The following ASB2 variants were observed in gnomAD, a reference collection of about 807,000 sequenced individuals.
ASB2 encodes ankyrin repeat and SOCS box protein 2.
Under a neutral mutation model 62.4 loss-of-function variants are expected in ASB2, and 58 were observed. That is an observed-to-expected ratio of 0.93 (90% confidence interval 0.75 to 1.16). ASB2 has a LOEUF of 1.16. ASB2 is among the 50% of genes most tolerant of loss of function. ASB2 has a pLI of 0.00. For synonymous variants in ASB2, 386 were observed against 385.3 expected, an observed-to-expected ratio of 1.00 and a Z score of -0.02; for missense variants, 928 against 887.9, an observed-to-expected ratio of 1.05 and a Z score of -0.57.
At chr14:93,965,546 A>G (rs775238481) in intron 1 of ASB2, among the ~76,000 whole-genome samples, 1 of 152,248 alleles carries the variant, frequency 6.6e-6, no homozygotes, top group African/African-American at 2.4e-5. Flanking sequence ...TTGGGTGCCA[A>G]TGCTTTAAGA....
intron 1 of ASB2, among the ~76,000 whole-genome samples, chr14:93,973,793 A>G (rs1213180531): frequency 6.6e-6 from 1 of 152,230 alleles, no homozygotes; most frequent in African/African-American, 2.4e-5. Flanking sequence ...TACCAATGCC[A>G]GGATCTGCCA....
At chr14:93,944,168 G>A in intron 7 of ASB2, 1 of 360,074 alleles carries the variant, frequency 2.8e-6, no homozygotes, top group African/African-American at 2.1e-5. Context: ...AGGCATCAGG[G>A]TTTCTGGTGC....
chr14:93,966,404 A>G (rs781032609), intron 1 of ASB2, among the ~76,000 whole-genome samples: 6 of 152,226 alleles, frequency 3.9e-5, no homozygotes, highest in African/African-American at 9.7e-5. Flanking sequence ...GGGTGCTCCT[A>G]TGGAAGACTT....
chr14:93,943,059 C>T (rs1279520541), intron 7 of ASB2, among the ~76,000 whole-genome samples: 1 of 152,202 alleles, frequency 6.6e-6, no homozygotes, highest in Non-Finnish European at 1.5e-5. Context: ...GAGCTAAGAA[C>T]TTAATCTCAT....
At position 93,947,519 on chromosome 14, in the gene ASB2, A is replaced by G. The variant is rs1411072244; in HGVS notation, c.882T>C (p.Gly294=). 1 of 1,613,630 alleles carries G rather than the reference A, an allele frequency of 6.2e-7. No individual in the cohort carries two copies. Among genetic ancestry groups the G allele is most frequent in the Admixed American group, 1.7e-5 (1 of 60,026 alleles). Residue 294 remains glycine (G), a splice_region_variant and synonymous_variant, in exon 7 of 10, where the codon GGT becomes GGC. Coordinates refer to ENST00000555019, the MANE Select transcript of ASB2 (RefSeq NM_001202429.2). ...CGCTGGCCTGCGTGTTGATGTCAGC[A>G]CCTGGGGAAGGAGAAGAGATCAGCA... ...LEALRFLAKY[G]ADINTQASDN...
chr14:93,934,329 C>A lies in ASB2; in HGVS notation c.*327G>T. The A allele has an allele frequency of 2.2e-6, 1 of 453,920 alleles. No individual in the cohort carries two copies. 28.1% of individuals were successfully genotyped at this position (453,920 alleles called of 1,614,324 possible). A position where few individuals can be genotyped will look rare whatever the true frequency, so the allele number is the denominator to read the frequency against. ...AACAAGTGGAGGGGCACAGGGAAGG[C>A]TCTGAGCACCACCTTCCCCAGAACA... On this transcript the variant is annotated 3_prime_UTR_variant, in exon 10 of 10. Coordinates refer to ENST00000555019, the MANE Select transcript of ASB2 (RefSeq NM_001202429.2).
rs35800977 is a variant in ASB2, at chr14:93,962,107, C to CTTTTTTTTTTT, written c.206+2216_206+2226dup. ...GGGGAGAAGAATTTCATTAAACATT[C>CTTTTTTTTTTT]TTTTTTTTTTTTTTTTTTTTTTTTT... On this transcript the variant is annotated intron_variant, in intron 2 of 9. Coordinates refer to ENST00000555019, the MANE Select transcript of ASB2 (RefSeq NM_001202429.2). 1.6e-4 allele frequency among the ~76,000 whole-genome samples: 12 copies of CTTTTTTTTTTT among 73,016 alleles called. 2 individuals are homozygous for CTTTTTTTTTTT. The highest frequency in any genetic ancestry group is 2.2e-4 in the Admixed American group (1 of 4,488). The allele number at this position is 73,016 out of a possible 152,430, so 47.9% of individuals were successfully genotyped here.
At chr14:93,976,159 A>G (rs1889906631) in intron 1 of ASB2, among the ~76,000 whole-genome samples, 1 of 152,236 alleles carries the variant, frequency 6.6e-6, no homozygotes, top group Non-Finnish European at 1.5e-5. Flanking sequence ...GTCCTTTTGC[A>G]TTTCCATTTT....
intron 6 of ASB2, 133 bp from the exon 7 acceptor site, chr14:93,947,653 A>G (rs983065167): frequency 7.8e-5 from 66 of 851,002 alleles, no homozygotes; most frequent in Non-Finnish European, 1.1e-4. Context: ...GACCCTTAGG[A>G]AGGAGGAGTC....
At chr14:93,972,052 T>TTA (rs1262921755) in intron 1 of ASB2, among the ~76,000 whole-genome samples, 2 of 147,972 alleles carry the variant, frequency 1.4e-5, no homozygotes, top group Non-Finnish European at 3.0e-5. Context: ...ATAATATATA[T>TTA]TATATATATA....
Position 93,976,426 on chromosome 14 carries a change from T to C in ASB2, c.-74+8A>G, listed in dbSNP as rs1452698418. ...GATCTGTATAAGAAAGTTGAAAGCATGCATTACCTGTTAGGCTCTGAAACA... is the reference window on the plus strand; with the variant it reads ...GATCTGTATAAGAAAGTTGAAAGCACGCATTACCTGTTAGGCTCTGAAACA... On this transcript the variant is annotated splice_region_variant and intron_variant, in intron 1 of 9. Transcript: ENST00000555019. 2.6e-5 allele frequency: 4 copies of C among 152,238 alleles called. No homozygotes were observed. The highest frequency in any genetic ancestry group is 6.5e-5 in the Admixed American group (1 of 15,276). 9.4% of individuals were successfully genotyped at this position (152,238 alleles called of 1,614,324 possible).
chr14:93,958,173 C>T (rs529071270), intron 2 of ASB2, among the ~76,000 whole-genome samples: 1 of 152,356 alleles, frequency 6.6e-6, no homozygotes, highest in African/African-American at 2.4e-5. Context: ...TCACGCCCTC[C>T]CACCTGCCTT....
intron 7 of ASB2, 65 bp from the exon 8 acceptor site, chr14:93,939,737 C>G: frequency 7.9e-7 from 1 of 1,264,262 alleles, no homozygotes; most frequent in South Asian, 1.9e-5. Context: ...AGGGCCGGCC[C>G]CGCCAGCAGG....
In ASB2 at chr14:93,937,705, C is replaced by A. The variant is rs1333008429; in HGVS notation, c.1764G>T (p.Glu588Asp). 2 of 1,607,264 alleles carry A rather than the reference C, an allele frequency of 1.2e-6. No homozygotes were observed. Among genetic ancestry groups the A allele is most frequent in the Admixed American group, 1.7e-5 (1 of 59,908 alleles). Residue 588 changes from glutamate (E) to aspartate (D), a missense_variant, in exon 9 of 10, where the codon GAG (glutamate) becomes GAT (aspartate). Transcript: ENST00000555019. ...DSFEDWAVIKEKAEPPRPLAH... is the reference protein window; with the variant it reads ...DSFEDWAVIKDKAEPPRPLAH... ...GCAGCAGCAAGTCCCTACCTGCCTT[C>A]TCCTTGATGACGGCCCAGTCCTCAA...
chr14:93,958,287 G>A, intron 2 of ASB2, among the ~76,000 whole-genome samples: 1 of 152,214 alleles, frequency 6.6e-6, no homozygotes, highest in Non-Finnish European at 1.5e-5. Flanking sequence ...GTAGATGGGG[G>A]TGCCTTTTAC....
At chr14:93,950,973 T>G in intron 6 of ASB2, 26 bp downstream of exon 6, 1 of 1,600,918 alleles carries the variant, frequency 6.2e-7, no homozygotes, top group Non-Finnish European at 8.5e-7. Context: ...GGGGACTCCA[T>G]GACCTAGGGA....
chr14:93,966,516 T>C (rs888003889), intron 1 of ASB2, among the ~76,000 whole-genome samples: 8 of 152,150 alleles, frequency 5.3e-5, no homozygotes, highest in Non-Finnish European at 1.2e-4. Flanking sequence ...GCAGCCATCT[T>C]GTGACCATGA....
intron 2 of ASB2, among the ~76,000 whole-genome samples, chr14:93,958,309 G>C (rs941484): frequency 0.67 from 101,938 of 152,140 alleles, 36,073 homozygotes; most frequent in East Asian, 0.97. Context: ...GATGAGGACA[G>C]GGAGGCTGTG....
At chr14:93,960,988 C>T (rs72700340) in intron 2 of ASB2, among the ~76,000 whole-genome samples, 10,102 of 94,742 alleles carry the variant, frequency 0.11, 351 homozygotes, top group South Asian at 0.11. Flanking sequence ...AATAAATAAA[C>T]AGTATCAGCT....
Sources: allele counts gnomAD v4.1 joint callset (sites outside exome capture counted in the v4.1 genomes callset), GRCh38; gene constraint gnomAD v4.1.1; transcripts MANE v1.5; gene names NCBI Gene and HGNC (gene_info 2026-07-23, HGNC 2026-07-21).